Variants in NRIP1 observed in about 807,000 individuals in gnomAD.
NRIP1 encodes the protein nuclear receptor-interacting protein 1.
A neutral mutation model predicts 75.0 loss-of-function variants in NRIP1; 28 were observed. The ratio of observed to expected loss-of-function variants is 0.37; its 90% confidence interval spans 0.28 to 0.51. The LOEUF (loss-of-function observed/expected upper bound fraction) is 0.51, where lower values mean the gene tolerates loss of function less well. NRIP1 is among the 20% of genes least tolerant of loss of function. NRIP1 has a pLI of 0.92. For missense variants in NRIP1, 1,435 were observed against 1,343.7 expected (o/e 1.07, Z -1.06); for synonymous variants, 526 against 487.6 (o/e 1.08, Z -1.04).
chr21:15,000,364 A>C (rs1033530756), intron 3 of NRIP1, among the ~76,000 whole-genome samples: 1 of 152,142 alleles, frequency 6.6e-6, no homozygotes, highest in Admixed American at 6.6e-5. Flanking sequence ...AATGTTTATT[A>C]AGCAGTTATT....
At chr21:15,045,082 A>G (rs577009646) in intron 1 of NRIP1, among the ~76,000 whole-genome samples, 1 of 152,232 alleles carries the variant, frequency 6.6e-6, no homozygotes, top group Admixed American at 6.5e-5. Flanking sequence ...CCACTCATTC[A>G]CTGTCAGTTC....
intron 1 of NRIP1, among the ~76,000 whole-genome samples, chr21:15,047,191 T>C (rs1007155392): frequency 1.3e-5 from 2 of 152,016 alleles, no homozygotes; most frequent in African/African-American, 4.8e-5. Flanking sequence ...CAAGGCACCT[T>C]CTTCACAAGG....
chr21:15,001,078 T>C (rs1054877612), intron 3 of NRIP1, among the ~76,000 whole-genome samples: 1 of 152,222 alleles, frequency 6.6e-6, no homozygotes, highest in Non-Finnish European at 1.5e-5. Context: ...GGATGTATAA[T>C]TACTACATAC....
chr21:15,028,823 T>C (rs1306117449), intron 2 of NRIP1, among the ~76,000 whole-genome samples: 2 of 152,304 alleles, frequency 1.3e-5, no homozygotes, highest in East Asian at 3.9e-4. Flanking sequence ...TATCGTTCTT[T>C]TAAAAAATAT....
At chr21:15,008,033 A>G (rs1287712219) in intron 3 of NRIP1, among the ~76,000 whole-genome samples, 1 of 152,172 alleles carries the variant, frequency 6.6e-6, no homozygotes, top group Non-Finnish European at 1.5e-5. Flanking sequence ...GCATTCCCAG[A>G]ACCCTCAGGG....
At chr21:15,001,896 T>C (rs1003064555) in intron 3 of NRIP1, among the ~76,000 whole-genome samples, 11 of 152,156 alleles carry the variant, frequency 7.2e-5, no homozygotes, top group African/African-American at 2.7e-4. Flanking sequence ...CTGCCTCACA[T>C]GTTTCAAGCA....
chr21:15,044,250 T>C lies in NRIP1; in HGVS notation c.-537-676A>G, dbSNP rs1319792790. The stretch of plus-strand genomic sequence containing the variant: ...AAAAAGTATTAGAATTATTTAACAG[T>C]CATTGCAGAGTTTGAAACACCTCAT... On this transcript the variant is annotated intron_variant, in intron 1 of 3. Coordinates refer to ENST00000318948, the MANE Select transcript of NRIP1 (RefSeq NM_003489.4). Among the ~76,000 whole-genome samples the C allele has an allele frequency of 4.6e-5, 7 of 151,504 alleles. No homozygotes were observed. The East Asian group carries it at 1.4e-3, about 29-fold the overall frequency.
At chr21:14,986,651 T>C (rs1378251390) in intron 3 of NRIP1, among the ~76,000 whole-genome samples, 1 of 152,240 alleles carries the variant, frequency 6.6e-6, no homozygotes, top group African/African-American at 2.4e-5. Context: ...CACTCTTTTA[T>C]TTAGGCAATT....
chr21:15,032,277 C>G (rs1362270084), intron 2 of NRIP1, among the ~76,000 whole-genome samples: 1 of 152,204 alleles, frequency 6.6e-6, no homozygotes, highest in Non-Finnish European at 1.5e-5. Context: ...CACACACTGC[C>G]TCATTATAAA....
Position 14,989,244 on chromosome 21 carries a change from A to G in NRIP1, c.-334-20718T>C, listed in dbSNP as rs2087500327. ...GCCTTTACCTCACGTATGGTCAAAG[A>G]GCAACATGTGGCTCTGAATTTCAAA... is the stretch of plus-strand genomic sequence containing the variant. On this transcript the variant is annotated intron_variant, in intron 3 of 3. Transcript: ENST00000318948. Among the ~76,000 whole-genome samples the G allele has an allele frequency of 7.2e-5, 11 of 152,166 alleles. No homozygotes were observed. The South Asian group carries it at 2.1e-3, about 29-fold the overall frequency.
At position 14,992,726 on chromosome 21, in the gene NRIP1, A is replaced by G. The variant is rs182533424; in HGVS notation, c.-335+21618T>C. On this transcript the variant is annotated intron_variant, in intron 3 of 3. Transcript: ENST00000318948. ...TAAAAACATCTACAGTGCACTAAAA[A>G]AAAGTCCCTAAATTTGGCAATACAT... The G allele has an allele frequency of 3.2e-3, 485 of 152,310 alleles. 1 individual carries two copies. Among genetic ancestry groups the G allele is most frequent in the African/African-American group, 0.011 (449 of 41,572 alleles). 9.4% of individuals were successfully genotyped at this position (152,310 alleles called of 1,614,324 possible).
rs956000493 is a variant in NRIP1, at chr21:14,964,626, C to CT, written c.*89dup. ...TGAAAAAAGTTTCAATTATACCATG[C>CT]TTTTTTTCAAATCATGCTCTTATTT... On this transcript the variant is annotated 3_prime_UTR_variant, in exon 4 of 4. Coordinates refer to ENST00000318948, the MANE Select transcript of NRIP1 (RefSeq NM_003489.4). 6.7e-6 allele frequency: 7 copies of CT among 1,045,530 alleles called. No homozygotes were observed. The East Asian group carries it at 1.0e-4, about 15-fold the overall frequency. 64.8% of individuals were successfully genotyped at this position (1,045,530 alleles called of 1,614,324 possible). A position where few individuals can be genotyped will look rare whatever the true frequency, so the allele number is the denominator to read the frequency against.
intron 2 of NRIP1, among the ~76,000 whole-genome samples, chr21:15,042,321 GTTT>G (rs1180031687): frequency 3.3e-5 from 5 of 152,142 alleles, no homozygotes; most frequent in Admixed American, 3.3e-4. Context: ...GCTGGCAAAA[GTTT>G]TTGAGAAGGA....
chr21:15,059,826 T>C (rs1379345314), intron 1 of NRIP1, among the ~76,000 whole-genome samples: 4 of 152,172 alleles, frequency 2.6e-5, no homozygotes, highest in African/African-American at 9.7e-5. Context: ...GCCTTCTCAA[T>C]TCTTTAAATC....
rs1366188438 is a variant in NRIP1, at chr21:14,963,211, C to T, written c.*1505G>A. The stretch of plus-strand genomic sequence containing the variant: ...GTTTAGTGCCCTTCTTGGGTTTAAA[C>T]TAAATGTTGTAAGCTTTGTTGGCAT... On this transcript the variant is annotated 3_prime_UTR_variant, in exon 4 of 4. Transcript: ENST00000318948. The T allele has an allele frequency of 2.6e-5, 4 of 152,328 alleles. No homozygotes were observed. Among genetic ancestry groups the T allele is most frequent in the African/African-American group, 7.3e-5 (3 of 41,350 alleles). The allele number at this position is 152,328 out of a possible 1,614,324, so 9.4% of individuals were successfully genotyped here.
chr21:15,062,036 G>C (rs1328299919), intron 1 of NRIP1, among the ~76,000 whole-genome samples: 1 of 152,178 alleles, frequency 6.6e-6, no homozygotes, highest in East Asian at 1.9e-4. Flanking sequence ...AAATAGTGAT[G>C]TTTGACAGAA....
chr21:14,977,855 C>T (rs1238353980), intron 3 of NRIP1, among the ~76,000 whole-genome samples: 2 of 152,142 alleles, frequency 1.3e-5, no homozygotes, highest in Non-Finnish European at 2.9e-5. Context: ...TATCTAAATA[C>T]ATTTTGCTCA....
intron 1 of NRIP1, among the ~76,000 whole-genome samples, chr21:15,047,842 C>A (rs1210029739): frequency 2.6e-5 from 4 of 152,178 alleles, no homozygotes; most frequent in African/African-American, 9.7e-5. Context: ...GCACAAGAGG[C>A]CTAGCTTTCA....
At chr21:15,008,897 A>G (rs561462787) in intron 3 of NRIP1, among the ~76,000 whole-genome samples, 2 of 152,322 alleles carry the variant, frequency 1.3e-5, no homozygotes, top group South Asian at 4.1e-4. Flanking sequence ...GAGGCTATAT[A>G]CATGGAATGC....
Sources: allele counts gnomAD v4.1 joint callset (sites outside exome capture counted in the v4.1 genomes callset), GRCh38; gene constraint gnomAD v4.1.1; transcripts MANE v1.5; gene names NCBI Gene and HGNC (gene_info 2026-07-23, HGNC 2026-07-21).